The following STXBP6 variants were observed in gnomAD, a reference collection of about 807,000 sequenced individuals.
The protein encoded by STXBP6 is syntaxin-binding protein 6.
In STXBP6, 21 loss-of-function variants were observed where a neutral mutation model predicts 26.9. The ratio of observed to expected loss-of-function variants is 0.78; its 90% CI spans 0.55 to 1.12. The LOEUF (loss-of-function observed/expected upper bound fraction) is 1.12. Among genes scored for constraint, STXBP6 ranks in the 50% most tolerant of loss-of-function variants. STXBP6 has a pLI of 0.00. For synonymous variants in STXBP6, 97 were observed against 92.6 expected (o/e 1.05, Z -0.27); for missense variants, 232 against 257.9 (o/e 0.90, Z 0.69).
At chr14:24,836,963 G>A (rs2068637989) in intron 4 of STXBP6, among the ~76,000 whole-genome samples, 1 of 152,114 alleles carries the variant, frequency 6.6e-6, no homozygotes, top group Non-Finnish European at 1.5e-5. Flanking sequence ...ACAAAATGTA[G>A]TAATCATTTC....
At chr14:24,907,335 A>T (rs1225638107) in intron 2 of STXBP6, among the ~76,000 whole-genome samples, 2 of 152,198 alleles carry the variant, frequency 1.3e-5, no homozygotes, top group Non-Finnish European at 2.9e-5. Context: ...ATATACATGC[A>T]GGTATGAAAT....
At chr14:24,969,102 G>GTATC (rs1231414883) in intron 2 of STXBP6, among the ~76,000 whole-genome samples, 1 of 152,084 alleles carries the variant, frequency 6.6e-6, no homozygotes, top group African/African-American at 2.4e-5. Flanking sequence ...CCTTCCATGG[G>GTATC]TATCTATTTA....
chr14:25,045,590 CT>C (rs5807274), intron 1 of STXBP6, among the ~76,000 whole-genome samples: 23,595 of 145,874 alleles, frequency 0.16, 2,261 homozygotes, highest in African/African-American at 0.26. Context: ...TGCGTTCATA[CT>C]TTTTTTTTCT....
chr14:24,915,388 A>G (rs1387644649), intron 2 of STXBP6, among the ~76,000 whole-genome samples: 1 of 152,146 alleles, frequency 6.6e-6, no homozygotes, highest in Non-Finnish European at 1.5e-5. Context: ...CACTACTGAA[A>G]CAATGGACTA....
intron 2 of STXBP6, among the ~76,000 whole-genome samples, chr14:24,923,713 C>T (rs2072064342): frequency 6.6e-6 from 1 of 152,158 alleles, no homozygotes. Context: ...TTCATGTTTA[C>T]TGGTCATTTG....
intron 1 of STXBP6, among the ~76,000 whole-genome samples, chr14:25,036,414 C>T (rs141918006): frequency 6.6e-6 from 1 of 152,116 alleles, no homozygotes; most frequent in African/African-American, 2.4e-5. Flanking sequence ...GCCAAATGCC[C>T]CACTGTCTAT....
At chr14:24,824,319 G>C (rs1370639879) in intron 4 of STXBP6, among the ~76,000 whole-genome samples, 1 of 152,078 alleles carries the variant, frequency 6.6e-6, no homozygotes, top group Admixed American at 6.6e-5. Context: ...CCCCATCCAT[G>C]GTCATTCAGT....
intron 1 of STXBP6, among the ~76,000 whole-genome samples, chr14:24,978,163 A>G (rs1426105386): frequency 2.6e-5 from 4 of 152,220 alleles, no homozygotes; most frequent in Non-Finnish European, 1.5e-5. Context: ...CCCAAATCTG[A>G]TTGTATGTCT....
At chr14:24,895,216 A>G (rs2070943215) in intron 2 of STXBP6, among the ~76,000 whole-genome samples, 1 of 152,208 alleles carries the variant, frequency 6.6e-6, no homozygotes, top group Admixed American at 6.5e-5. Flanking sequence ...ACAGAACACA[A>G]AAGTGTCCAG....
At chr14:25,036,185 C>A (rs2075546976) in intron 1 of STXBP6, among the ~76,000 whole-genome samples, 1 of 144,932 alleles carries the variant, frequency 6.9e-6, no homozygotes, top group African/African-American at 2.5e-5. Flanking sequence ...CCACTGCACT[C>A]CAGCCTAGGC....
intron 2 of STXBP6, among the ~76,000 whole-genome samples, chr14:24,970,864 T>C (rs993359082): frequency 2.0e-5 from 3 of 152,212 alleles, no homozygotes; most frequent in African/African-American, 4.8e-5. Flanking sequence ...TGTTAACACT[T>C]GGTATTGTCA....
At chr14:24,975,876 T>C (rs2074031337) in intron 1 of STXBP6, among the ~76,000 whole-genome samples, 1 of 152,170 alleles carries the variant, frequency 6.6e-6, no homozygotes, top group Non-Finnish European at 1.5e-5. Context: ...ATCCTAGTCA[T>C]AAATAGTCTG....
At chr14:24,958,094 A>C (rs1250151496) in intron 2 of STXBP6, among the ~76,000 whole-genome samples, 1 of 152,204 alleles carries the variant, frequency 6.6e-6, no homozygotes, top group Non-Finnish European at 1.5e-5. Flanking sequence ...ATGATGCTCT[A>C]CAAAGTACCT....
intron 2 of STXBP6, among the ~76,000 whole-genome samples, chr14:24,908,243 T>C (rs1403502288): frequency 6.6e-6 from 1 of 152,200 alleles, no homozygotes; most frequent in Non-Finnish European, 1.5e-5. Flanking sequence ...CCCAACTCTA[T>C]CTTTTAGCAC....
At position 24,855,956 on chromosome 14, in the gene STXBP6, C is replaced by A; in HGVS notation, c.431G>T (p.Cys144Phe). 1 of 1,603,508 alleles carries A rather than the reference C, an allele frequency of 6.2e-7. No homozygotes were observed. Among genetic ancestry groups the A allele is most frequent in the Non-Finnish European group, 8.5e-7 (1 of 1,176,152 alleles). Residue 144 changes from cysteine to phenylalanine, a missense_variant, in exon 4 of 6, where the codon TGC becomes TTC. Physicochemically the swap from Cys to Phe is radical, Grantham distance 205. Transcript: ENST00000323944. ...LTDRKPEFIN[C>F]QSKIMGGNSI... ...CTCACCTCCCATAATTTTGGATTGGCAGTTAATAAACTCTGGCTTCCTGTC... is the reference window on the plus strand; with the variant it reads ...CTCACCTCCCATAATTTTGGATTGGAAGTTAATAAACTCTGGCTTCCTGTC...
rs373866356 is a variant in STXBP6 at position 24,916,016 on chromosome 14, C to T, written c.154+58649G>A. ...TTGATAGTTAATGCAGTTATAACTC[C>T]GATTCTGAAGTAACTACCAGAAAAA... On this transcript the variant is annotated intron_variant, in intron 2 of 5. Coordinates refer to ENST00000323944, the MANE Select transcript of STXBP6 (RefSeq NM_001394410.1). 2.4e-4 allele frequency among the ~76,000 whole-genome samples: 37 copies of T among 152,078 alleles called. No homozygotes were observed. In the South Asian group the frequency reaches 2.9e-3, roughly 12 times the overall value.
chr14:24,966,486 A>G (rs985069146), intron 2 of STXBP6, among the ~76,000 whole-genome samples: 5 of 152,162 alleles, frequency 3.3e-5, no homozygotes, highest in African/African-American at 1.2e-4. Flanking sequence ...GACCCTAGGC[A>G]GTGCAACTAC....
In STXBP6 at chr14:24,844,493, C is replaced by T. The variant is rs111574562; in HGVS notation, c.451+11443G>A. ...CCTGTGGGACTGAGCCCTTAACCAGCAGGGTCTGCACTAATTATGGGTAGT... is the reference window on the plus strand; with the variant it reads ...CCTGTGGGACTGAGCCCTTAACCAGTAGGGTCTGCACTAATTATGGGTAGT... On this transcript the variant is annotated intron_variant, in intron 4 of 5. Coordinates refer to ENST00000323944, the MANE Select transcript of STXBP6 (RefSeq NM_001394410.1). 9.9e-5 allele frequency among the ~76,000 whole-genome samples: 15 copies of T among 152,246 alleles called. 1 individual carries two copies. Among genetic ancestry groups the T allele is most frequent in the African/African-American group, 3.1e-4 (13 of 41,542 alleles).
At chr14:24,833,013 C>G (rs1288837039) in intron 4 of STXBP6, among the ~76,000 whole-genome samples, 2 of 152,180 alleles carry the variant, frequency 1.3e-5, no homozygotes, top group Non-Finnish European at 2.9e-5. Context: ...TAAAATTACA[C>G]TGTGTGATAG....
Sources: allele counts gnomAD v4.1 joint callset (sites outside exome capture counted in the v4.1 genomes callset), GRCh38; gene constraint gnomAD v4.1.1; transcripts MANE v1.5; gene names NCBI Gene and HGNC (gene_info 2026-07-23, HGNC 2026-07-21).